The following ATL2 variants were observed in gnomAD, a reference collection of about 807,000 sequenced individuals.
ATL2 encodes the protein atlastin-2.
In ATL2, 31 loss-of-function variants were observed where a neutral mutation model predicts 73.9. The observed-to-expected ratio is 0.42, with a 90% CI of 0.32 to 0.57. The LOEUF (loss-of-function observed/expected upper bound fraction) is 0.57. Ranked by LOEUF, ATL2 falls within the 20% of genes least tolerant of loss-of-function variation. The probability of loss-of-function intolerance (pLI) is 0.14; values close to 1 mark genes in which losing one functional copy is unlikely to be tolerated. For missense variants in ATL2, 738 were observed against 702.6 expected (o/e 1.05, Z -0.57); for synonymous variants, 291 against 237.5 (o/e 1.23, Z -2.07).
intron 1 of ATL2, among the ~76,000 whole-genome samples, chr2:38,356,301 C>T (rs1670664290): frequency 6.6e-6 from 1 of 151,902 alleles, no homozygotes; most frequent in Admixed American, 6.6e-5. Flanking sequence ...TCAAGCAATT[C>T]TCCTCCCTCA....
At chr2:38,300,360 G>A in intron 9 of ATL2, 32 bp from the exon 10 acceptor site, 1 of 1,534,334 alleles carries the variant, frequency 6.5e-7, no homozygotes, top group Non-Finnish European at 9.0e-7. Context: ...TAGACTGACG[G>A]ATTATGCAAT....
Position 38,350,535 on chromosome 2 carries a change from A to C in ATL2, c.119-7023T>G, listed in dbSNP as rs79810069. Among the ~76,000 whole-genome samples, 20 of 152,318 alleles carry C rather than the reference A, an allele frequency of 1.3e-4. 1 individual carries two copies. In the East Asian group the frequency reaches 3.9e-3, roughly 29 times the overall value. The stretch of plus-strand genomic sequence containing the variant: ...AATACGAAATTGGTTGATACCTGTC[A>C]TTATACATCTATGAAAAAAACCATT... On this transcript the variant is annotated intron_variant, in intron 1 of 12. Transcript: ENST00000378954.
intron 4 of ATL2, among the ~76,000 whole-genome samples, chr2:38,315,759 G>C (rs1449903183): frequency 6.6e-6 from 1 of 152,106 alleles, no homozygotes; most frequent in South Asian, 2.1e-4. Flanking sequence ...TTCTTCCCTG[G>C]TACAATCAGA....
intron 1 of ATL2, among the ~76,000 whole-genome samples, chr2:38,374,442 A>C (rs115856513): frequency 6.6e-6 from 1 of 152,220 alleles, no homozygotes; most frequent in African/African-American, 2.4e-5. Flanking sequence ...CACGTTAAAA[A>C]CAAGAAAGAA....
intron 9 of ATL2, among the ~76,000 whole-genome samples, chr2:38,308,314 C>G (rs1010610648): frequency 2.0e-5 from 3 of 152,154 alleles, no homozygotes; most frequent in African/African-American, 7.2e-5. Context: ...CATGGTGGAA[C>G]TGGAGGACTT....
chr2:38,366,217 C>A (rs75534606), intron 1 of ATL2, among the ~76,000 whole-genome samples: 1 of 151,946 alleles, frequency 6.6e-6, no homozygotes, highest in African/African-American at 2.4e-5. Context: ...TAAACACACA[C>A]GCTCAAAAAC....
At chr2:38,358,541 A>G in intron 1 of ATL2, 1 of 331,518 alleles carries the variant, frequency 3.0e-6, no homozygotes, top group Non-Finnish European at 6.3e-6. Flanking sequence ...ATACAAAAAA[A>G]GTAAGCCGGA....
chr2:38,369,460 A>T (rs917387917), intron 1 of ATL2, among the ~76,000 whole-genome samples: 11 of 150,518 alleles, frequency 7.3e-5, no homozygotes, highest in South Asian at 2.1e-4. Context: ...AAATAAATAA[A>T]TTTTTTTAGT....
chr2:38,346,688 T>G (rs61449765), intron 1 of ATL2, among the ~76,000 whole-genome samples: 1 of 152,126 alleles, frequency 6.6e-6, no homozygotes, highest in Non-Finnish European at 1.5e-5. Context: ...GAGAATCTGA[T>G]GTCACCATGG....
intron 1 of ATL2, among the ~76,000 whole-genome samples, chr2:38,345,194 T>C (rs1395087136): frequency 6.6e-5 from 10 of 152,316 alleles, no homozygotes; most frequent in African/African-American, 2.4e-4. Context: ...TAAGTGTCAG[T>C]TTCCACTCTA....
At chr2:38,372,311 A>G (rs190859149) in intron 1 of ATL2, among the ~76,000 whole-genome samples, 1 of 152,074 alleles carries the variant, frequency 6.6e-6, no homozygotes, top group Non-Finnish European at 1.5e-5. Context: ...AACATGTACA[A>G]TTTTTTCTTG....
At chr2:38,345,692 A>C (rs1357701352) in intron 1 of ATL2, among the ~76,000 whole-genome samples, 4 of 152,236 alleles carry the variant, frequency 2.6e-5, no homozygotes, top group South Asian at 2.1e-4. Flanking sequence ...ATACAGTTAA[A>C]TTCTAAATTA....
chr2:38,332,531 G>A (rs1669060623), intron 2 of ATL2, among the ~76,000 whole-genome samples: 2 of 152,228 alleles, frequency 1.3e-5, no homozygotes, highest in Admixed American at 6.6e-5. Flanking sequence ...AAATTAATTG[G>A]GGTAATAGTT....
At chr2:38,341,743 A>C (rs989735909) in intron 2 of ATL2, among the ~76,000 whole-genome samples, 1 of 152,220 alleles carries the variant, frequency 6.6e-6, no homozygotes, top group African/African-American at 2.4e-5. Context: ...TATGCTATTG[A>C]TACTCAGGTA....
chr2:38,343,152 A>T (rs1475030852), intron 2 of ATL2, 116 bp downstream of exon 2: 79 of 143,778 alleles, frequency 5.5e-4, no homozygotes, highest in Middle Eastern at 2.5e-3. Flanking sequence ...CTTAAATTAA[A>T]AAAAAAAAAA....
intron 1 of ATL2, among the ~76,000 whole-genome samples, chr2:38,363,381 GTTAT>G (rs1671122853): frequency 7.1e-6 from 1 of 141,270 alleles, no homozygotes; most frequent in African/African-American, 2.7e-5. Flanking sequence ...GGGGGGGGGG[GTTAT>G]TTATCATCTT....
At chr2:38,296,776 G>T in intron 12 of ATL2, 1 of 1,545,208 alleles carries the variant, frequency 6.5e-7, no homozygotes, top group African/African-American at 1.4e-5. Flanking sequence ...CTGACTAGCT[G>T]ATTACCTTAC....
At chr2:38,331,843 T>A (rs201972674) in intron 2 of ATL2, among the ~76,000 whole-genome samples, 3 of 151,716 alleles carry the variant, frequency 2.0e-5, no homozygotes, top group Admixed American at 6.6e-5. Context: ...CATATACATA[T>A]ATAAATATAT....
intron 2 of ATL2, among the ~76,000 whole-genome samples, chr2:38,335,590 T>C (rs900968910): frequency 1.7e-4 from 26 of 152,124 alleles, no homozygotes; most frequent in African/African-American, 5.8e-4. Flanking sequence ...GAGCCGGAGA[T>C]AGCAGTAACT....
Sources: gnomAD v4.1 joint callset for allele counts (sites outside exome capture counted in the v4.1 genomes callset) on GRCh38, gnomAD v4.1.1 for gene constraint, MANE v1.5 for transcripts, NCBI Gene and HGNC (gene_info 2026-07-23, HGNC 2026-07-21) for gene names.